The following KAT6B variants were observed in gnomAD, a reference collection of about 807,000 sequenced individuals.
KAT6B encodes the protein histone acetyltransferase KAT6B.
In KAT6B, 10 loss-of-function variants were observed where a neutral mutation model predicts 187.5. That is an observed-to-expected ratio of 0.05 (90% CI 0.03 to 0.09). The LOEUF is 0.09. Among genes scored for constraint, KAT6B ranks in the 10% least tolerant of loss-of-function variants. The probability of loss-of-function intolerance (pLI) is 1.00; values close to 1 mark genes in which losing one functional copy is unlikely to be tolerated. For missense variants in KAT6B, 1,952 were observed against 2,558.9 expected, an observed-to-expected ratio of 0.76 and a Z score of 5.12; for synonymous variants, 861 against 926.8, an observed-to-expected ratio of 0.93 and a Z score of 1.29.
intron 6 of KAT6B, 140 bp downstream of exon 6, chr10:74,970,241 C>T: frequency 3.0e-6 from 2 of 672,548 alleles, no homozygotes; most frequent in Middle Eastern, 2.6e-4. Flanking sequence ...CTGAGTTTAG[C>T]ACAGGTTGTG....
At chr10:74,825,859 G>C (rs1383470271), upstream of KAT6B, among the ~76,000 whole-genome samples, 2 of 151,850 alleles carry the variant, frequency 1.3e-5, no homozygotes, top group Non-Finnish European at 2.9e-5. This position sits in a 1 kb window ranked among gnomAD's most constrained non-coding sequence, Gnocchi z 5.0. Flanking sequence ...TGGCAGGGTA[G>C]GGGTGTGTTG....
intron 13 of KAT6B, among the ~76,000 whole-genome samples, chr10:75,017,123 A>G (rs554976552): frequency 7.2e-5 from 11 of 151,952 alleles, no homozygotes; most frequent in African/African-American, 2.7e-4. Flanking sequence ...TCAGCCTCCC[A>G]AAGTGCTGGG....
In KAT6B at chr10:74,857,061, G is replaced by A. The variant is rs774024540; in HGVS notation, c.621+13583G>A. ...CTGCTAGATCTTCGTTTATAAAGGCGCCTTTTCCCTTTTGTAATTAACAAG... is the reference window on the plus strand; with the variant it reads ...CTGCTAGATCTTCGTTTATAAAGGCACCTTTTCCCTTTTGTAATTAACAAG... On this transcript the variant is annotated intron_variant, in intron 3 of 17. Coordinates refer to ENST00000287239, the MANE Select transcript of KAT6B (RefSeq NM_012330.4). Among the ~76,000 whole-genome samples, 71 of 152,238 alleles carry A rather than the reference G, an allele frequency of 4.7e-4. 1 individual carries two copies. Among genetic ancestry groups the A allele is most frequent in the South Asian group, 6.2e-4 (3 of 4,824 alleles).
intron 3 of KAT6B, among the ~76,000 whole-genome samples, chr10:74,932,692 C>T (rs1010689674): frequency 6.6e-6 from 1 of 152,204 alleles, no homozygotes; most frequent in Non-Finnish European, 1.5e-5. Flanking sequence ...AAAATATCGA[C>T]TTACGCTGTG....
At chr10:74,844,244 G>T (rs1841946711) in intron 3 of KAT6B, among the ~76,000 whole-genome samples, 2 of 151,750 alleles carry the variant, frequency 1.3e-5, no homozygotes, top group South Asian at 4.1e-4. Flanking sequence ...TGTTGCCCAG[G>T]CTGGAGTGCA....
chr10:74,917,118 A>G (rs1847748993), intron 3 of KAT6B, among the ~76,000 whole-genome samples: 1 of 152,136 alleles, frequency 6.6e-6, no homozygotes, highest in African/African-American at 2.4e-5. Context: ...AAACCTGAAC[A>G]CTTCTTTGTT....
At position 75,029,261 on chromosome 10, in the gene KAT6B, C is replaced by T. The variant is rs555311731; in HGVS notation, c.4437C>T (p.Val1479=). ...SNPEVLMDCG[V]DLTASCNSEP... is the part of the protein sequence containing the mutation. Reference sequence around the variant, plus strand: ...CAGAGGTCTTAATGGACTGTGGCGTCGACCTGACAGCTTCTTGTAACAGTG... The same window carrying T: ...CAGAGGTCTTAATGGACTGTGGCGTTGACCTGACAGCTTCTTGTAACAGTG... Residue 1479 remains valine (V), a synonymous_variant, in exon 18 of 18, where the codon GTC becomes GTT. Coordinates refer to ENST00000287239, the MANE Select transcript of KAT6B (RefSeq NM_012330.4). The surrounding 1 kb of genome is among the most constrained non-coding windows in gnomAD (Gnocchi z 6.2). 19 of 1,614,154 alleles carry T rather than the reference C, an allele frequency of 1.2e-5. No homozygotes were observed. The highest frequency in any genetic ancestry group is 2.7e-5 in the African/African-American group (2 of 75,030).
At chr10:74,993,644 A>G (rs1313504615) in intron 13 of KAT6B, among the ~76,000 whole-genome samples, 1 of 152,220 alleles carries the variant, frequency 6.6e-6, no homozygotes, top group Non-Finnish European at 1.5e-5. Context: ...CCAGGATCAC[A>G]TGGAGTATGT....
At chr10:74,895,759 C>T (rs559685507) in intron 3 of KAT6B, among the ~76,000 whole-genome samples, 6 of 152,184 alleles carry the variant, frequency 3.9e-5, no homozygotes, top group African/African-American at 1.4e-4. Context: ...AGGCTGGTCT[C>T]GAACTCTTGG....
chr10:75,028,438 A>C (rs757568368), intron 17 of KAT6B, 51 bp from the exon 18 acceptor site: 2 of 1,613,398 alleles, frequency 1.2e-6, no homozygotes, highest in East Asian at 2.2e-5. Flanking sequence ...GCCCATGGTT[A>C]TGCTTTCTAA....
chr10:74,843,504 A>T (rs1263133065), intron 3 of KAT6B, 26 bp downstream of exon 3: 1 of 1,612,024 alleles, frequency 6.2e-7, no homozygotes, highest in Middle Eastern at 2.1e-4. Context: ...ATGTTCGTGC[A>T]TTCTCACTAC....
chr10:74,983,984 T>C (rs1000140450), intron 11 of KAT6B: 1 of 152,224 alleles, frequency 6.6e-6, no homozygotes, highest in African/African-American at 2.4e-5. Context: ...CAGAATTTTC[T>C]TCAGCACTGT....
At chr10:74,965,341 C>A (rs1221592283) in intron 4 of KAT6B, among the ~76,000 whole-genome samples, 1 of 152,228 alleles carries the variant, frequency 6.6e-6, no homozygotes, top group Non-Finnish European at 1.5e-5. Flanking sequence ...GCTAGATTCT[C>A]CCATATCCCT....
rs747832667 is a variant in KAT6B, at chr10:75,029,589, G to A, written c.4765G>A (p.Asp1589Asn). 35 of 1,613,958 alleles carry A rather than the reference G, an allele frequency of 2.2e-5. 1 individual carries two copies. In the East Asian group the frequency reaches 5.1e-4, roughly 24 times the overall value. ...DQSPQIATTL[D>N]DCQQSDHSSP... ...AAGTCCACAGATTGCCACCACGCTCGACGATTGCCAACAGTCGGACCACAG... is the reference window on the plus strand; with the variant it reads ...AAGTCCACAGATTGCCACCACGCTCAACGATTGCCAACAGTCGGACCACAG... The change falls in exon 18 of 18, where the codon GAC becomes AAC. Residue 1589 changes from aspartate (D) to asparagine (N), a missense_variant. Asp to Asn is a conservative substitution (Grantham distance 23, BLOSUM62 1). Coordinates refer to ENST00000287239, the MANE Select transcript of KAT6B (RefSeq NM_012330.4). This position sits in a 1 kb window ranked among gnomAD's most constrained non-coding sequence, Gnocchi z 6.2.
chr10:74,940,594 T>C (rs971318403), intron 3 of KAT6B, among the ~76,000 whole-genome samples: 5 of 151,308 alleles, frequency 3.3e-5, no homozygotes, highest in African/African-American at 1.2e-4. Context: ...TTTTTTTTCT[T>C]TCTTTAAAGA....
At chr10:74,849,093 T>C (rs1180513151) in intron 3 of KAT6B, among the ~76,000 whole-genome samples, 1 of 152,104 alleles carries the variant, frequency 6.6e-6, no homozygotes, top group Non-Finnish European at 1.5e-5. Context: ...ACAATTCTTG[T>C]GCCTCAGCCT....
chr10:74,900,828 T>TG (rs1440700587), intron 3 of KAT6B, among the ~76,000 whole-genome samples: 1 of 151,478 alleles, frequency 6.6e-6, no homozygotes, highest in Non-Finnish European at 1.5e-5. Context: ...GTTGGGGGAG[T>TG]GGGGGTTAAA....
chr10:75,018,134 C>G (rs1415700263), intron 13 of KAT6B, among the ~76,000 whole-genome samples: 2 of 152,230 alleles, frequency 1.3e-5, no homozygotes, highest in East Asian at 3.8e-4. Context: ...CTTGGGTTTG[C>G]AGTTGTCTTC....
intron 1 of KAT6B, among the ~76,000 whole-genome samples, chr10:74,832,704 T>C (rs1000183452): frequency 6.6e-6 from 1 of 151,996 alleles, no homozygotes; most frequent in African/African-American, 2.4e-5. Context: ...TTCACCATGT[T>C]GGCCGGGCTG....
Sources: gnomAD v4.1 joint callset for allele counts (sites outside exome capture counted in the v4.1 genomes callset) on GRCh38, gnomAD v4.1.1 for gene constraint, Gnocchi (gnomAD v3.1) non-coding constraint, MANE v1.5 for transcripts, NCBI Gene and HGNC (gene_info 2026-07-23, HGNC 2026-07-21) for gene names.